Variants in DPP6 observed in about 807,000 individuals in gnomAD.
DPP6 encodes the protein dipeptidyl peptidase like 6, also known as A-type potassium channel modulatory protein DPP6.
Under a neutral mutation model 122.6 loss-of-function variants are expected in DPP6, and 69 were observed. That is an observed-to-expected ratio of 0.56 (90% CI 0.46 to 0.69). DPP6 has a LOEUF of 0.69. Ranked by LOEUF, DPP6 falls within the 30% of genes least tolerant of loss-of-function variation. The probability of loss-of-function intolerance (pLI) is 0.00; values close to 1 mark genes in which losing one functional copy is unlikely to be tolerated. For missense variants in DPP6, 928 were observed against 1,116.9 expected (o/e 0.83, Z 2.41); for synonymous variants, 418 against 433.1 (o/e 0.97, Z 0.43).
At chr7:154,789,824 T>A (rs1000849582) in intron 10 of DPP6, among the ~76,000 whole-genome samples, 1 of 152,232 alleles carries the variant, frequency 6.6e-6, no homozygotes, top group African/African-American at 2.4e-5. Flanking sequence ...CCCAGAAAGC[T>A]GCTAGAACGC....
intron 1 of DPP6, among the ~76,000 whole-genome samples, chr7:154,352,462 CA>C (rs905480924): frequency 2.0e-5 from 3 of 150,396 alleles, no homozygotes; most frequent in African/African-American, 4.9e-5. Context: ...GACTCTGTCT[CA>C]AAAAAAATAA....
chr7:153,986,617 C>T (rs946703674), intron 1 of DPP6, among the ~76,000 whole-genome samples: 5 of 152,180 alleles, frequency 3.3e-5, no homozygotes, highest in Non-Finnish European at 7.3e-5. Context: ...CTGCTGAGAT[C>T]ACTGAGATGC....
chr7:154,492,999 G>T (rs944281079), intron 3 of DPP6, among the ~76,000 whole-genome samples: 3 of 152,168 alleles, frequency 2.0e-5, no homozygotes, highest in African/African-American at 7.2e-5. Context: ...ACATGGCCCA[G>T]TGACCCCCGT....
At chr7:154,056,320 C>T (rs1348118778) in intron 1 of DPP6, among the ~76,000 whole-genome samples, 4 of 152,000 alleles carry the variant, frequency 2.6e-5, no homozygotes, top group South Asian at 2.1e-4. Context: ...GAATCAATAG[C>T]CCTTCTGATT....
At chr7:153,789,055 T>C in the DPP6 span, among the ~76,000 whole-genome samples, 1 of 152,122 alleles carries the variant, frequency 6.6e-6, no homozygotes, top group Non-Finnish European at 1.5e-5. Flanking sequence ...AAATTATTGC[T>C]GGCTCTTGGA....
In DPP6 at chr7:154,807,021, G is replaced by A. The variant is rs1221762928; in HGVS notation, c.1575G>A (p.Arg525=). 3.7e-6 allele frequency: 6 copies of A among 1,613,720 alleles called. No individual in the cohort carries two copies. The highest frequency in any genetic ancestry group is 5.1e-6 in the Non-Finnish European group (6 of 1,179,832). ...YSANTVGNFN[R]QCLSCDLVEN... ...CCAACACGGTGGGCAACTTCAACAG[G>A]CAGTGCCTCTCCTGTGACCTGGTTG... is the stretch of plus-strand genomic sequence containing the variant. The change falls in exon 16 of 26, where the codon AGG becomes AGA. Residue 525 remains arginine, a synonymous_variant. Coordinates refer to ENST00000377770, the MANE Select transcript of DPP6 (RefSeq NM_130797.4).
At chr7:154,292,395 C>T (rs1259137422) in intron 1 of DPP6, among the ~76,000 whole-genome samples, 1 of 152,178 alleles carries the variant, frequency 6.6e-6, no homozygotes, top group Non-Finnish European at 1.5e-5. Context: ...TGGCTAATTT[C>T]CCAGCATACT....
At chr7:154,307,849 A>G (rs1341489920) in intron 1 of DPP6, among the ~76,000 whole-genome samples, 1 of 151,782 alleles carries the variant, frequency 6.6e-6, no homozygotes, top group Non-Finnish European at 1.5e-5. Context: ...GAGACCAGGA[A>G]AGAGGAATAT....
chr7:154,061,779 A>G (rs12667115), intron 1 of DPP6, among the ~76,000 whole-genome samples: 12,755 of 69,852 alleles, frequency 0.18, 422 homozygotes, highest in South Asian at 0.24. Flanking sequence ...CATCGCAGGG[A>G]GGGAGGCACC....
chr7:153,960,701 G>A (rs1795309655), intron 1 of DPP6, among the ~76,000 whole-genome samples: 1 of 124,194 alleles, frequency 8.1e-6, no homozygotes, highest in African/African-American at 3.3e-5. Flanking sequence ...GCATGTGTGT[G>A]TGAATGTGTG....
chr7:154,741,078 G>A (rs1018774850), intron 8 of DPP6, among the ~76,000 whole-genome samples: 12 of 152,150 alleles, frequency 7.9e-5, no homozygotes, highest in African/African-American at 1.7e-4. Flanking sequence ...TTCGTCACTC[G>A]TTCTGTGCGT....
chr7:153,846,599 C>T, the DPP6 span, among the ~76,000 whole-genome samples: 2 of 151,254 alleles, frequency 1.3e-5, no homozygotes, highest in African/African-American at 4.9e-5. Context: ...TTTTTTCTGC[C>T]TCATCCAATC....
At chr7:153,842,777 A>T in the DPP6 span, among the ~76,000 whole-genome samples, 1 of 152,226 alleles carries the variant, frequency 6.6e-6, no homozygotes, top group Non-Finnish European at 1.5e-5. Flanking sequence ...TTATAGATGA[A>T]GTTATTCAGA....
At chr7:153,828,187 G>A in the DPP6 span, among the ~76,000 whole-genome samples, 5 of 152,276 alleles carry the variant, frequency 3.3e-5, no homozygotes, top group East Asian at 9.7e-4. Context: ...CCTCTGCAGT[G>A]CAGTGTCCGA....
At chr7:154,301,836 G>A (rs943233161) in intron 1 of DPP6, among the ~76,000 whole-genome samples, 6 of 115,030 alleles carry the variant, frequency 5.2e-5, no homozygotes, top group South Asian at 3.0e-4. Context: ...GCTCTCACCC[G>A]GGCTGTCACC....
intron 1 of DPP6, among the ~76,000 whole-genome samples, chr7:154,387,695 C>T (rs535937199): frequency 6.6e-6 from 1 of 152,282 alleles, no homozygotes; most frequent in Admixed American, 6.5e-5. Context: ...TCCCCCCAAC[C>T]GAGCCCCACA....
chr7:153,958,663 G>T (rs547650783), intron 1 of DPP6, among the ~76,000 whole-genome samples: 13 of 152,244 alleles, frequency 8.5e-5, no homozygotes, highest in Middle Eastern at 3.4e-3. Flanking sequence ...TGCATCCTTG[G>T]TACAGCCCTC....
At chr7:154,199,109 CCT>C (rs1455921303) in intron 1 of DPP6, among the ~76,000 whole-genome samples, 1 of 151,976 alleles carries the variant, frequency 6.6e-6, no homozygotes, top group Non-Finnish European at 1.5e-5. Context: ...AGCCCTGGCC[CCT>C]GAGTCAAGTC....
Position 154,241,078 on chromosome 7 carries a change from A to T in DPP6, c.243+188015A>T, listed in dbSNP as rs4726390. On this transcript the variant is annotated intron_variant, in intron 1 of 25. Coordinates refer to ENST00000377770, the MANE Select transcript of DPP6 (RefSeq NM_130797.4). The surrounding 1 kb of genome is among the most constrained non-coding windows in gnomAD (Gnocchi z 9.0). ...TATTGTGAAGTTCCGTTGATAAATAAATTGATGAAAACCTTTTTTCTTACC... is the reference window on the plus strand; with the variant it reads ...TATTGTGAAGTTCCGTTGATAAATATATTGATGAAAACCTTTTTTCTTACC... Among the ~76,000 whole-genome samples, 132,932 of 152,122 alleles carry T rather than the reference A, an allele frequency of 0.87. 58,421 individuals carry two copies. The highest frequency in any genetic ancestry group is 0.96 in the African/African-American group (40,030 of 41,516).
Sources: allele counts gnomAD v4.1 joint callset (sites outside exome capture counted in the v4.1 genomes callset), GRCh38; gene constraint gnomAD v4.1.1; non-coding constraint Gnocchi (gnomAD v3.1); transcripts MANE v1.5; gene names NCBI Gene and HGNC (gene_info 2026-07-23, HGNC 2026-07-21).